SAYSD1: variants seen among roughly 807,000 people sequenced by gnomAD.
SAYSD1 encodes SAYSvFN domain-containing protein 1.
A neutral mutation model predicts 14.5 loss-of-function variants in SAYSD1; 15 were observed. That is an observed-to-expected ratio of 1.03 (90% CI 0.69 to 1.59). SAYSD1 has a LOEUF of 1.59. SAYSD1 is among the 40% of genes most tolerant of loss of function. SAYSD1 has a pLI of 0.00. For missense variants in SAYSD1, 247 were observed against 227.3 expected (o/e 1.09, Z -0.56); for synonymous variants, 105 against 102.6 (o/e 1.02, Z -0.14).
chr6:39,107,931 G>C (rs542952556), intron 1 of SAYSD1, among the ~76,000 whole-genome samples: 9 of 152,104 alleles, frequency 5.9e-5, no homozygotes, highest in Non-Finnish European at 1.0e-4. Context: ...GAAGATTCTG[G>C]AAATGGGAAA....
intron 1 of SAYSD1, among the ~76,000 whole-genome samples, chr6:39,114,609 G>C (rs760875208): frequency 6.6e-6 from 1 of 152,254 alleles, no homozygotes; most frequent in Non-Finnish European, 1.5e-5. Flanking sequence ...ACTCAATTCG[G>C]AGTGAATAAT....
intron 1 of SAYSD1, among the ~76,000 whole-genome samples, chr6:39,106,214 C>A (rs1769499795): frequency 2.0e-5 from 3 of 151,600 alleles, no homozygotes; most frequent in Non-Finnish European, 4.4e-5. Context: ...AAAATAGAGA[C>A]AGGAAACAAA....
In SAYSD1 at chr6:39,115,079, C is replaced by G. The variant is rs534103101; in HGVS notation, c.11G>C (p.Arg4Pro). ...CCGCGCCGCCCGAAACTCAGCTAAC[C>G]GCTGTTCCATGGCGCGCGCCTCGCG... Reference protein sequence around the residue: MEQRLAEFRAARKR... With the variant: MEQPLAEFRAARKR... The change falls in exon 1 of 2, where the codon CGG becomes CCG. Residue 4 changes from arginine (R) to proline (P), a missense_variant. Physicochemically the swap from Arg to Pro is moderately radical, Grantham distance 103 (BLOSUM62 -2). Coordinates refer to ENST00000229903, the MANE Select transcript of SAYSD1 (RefSeq NM_018322.3). 3.1e-6 allele frequency: 5 copies of G among 1,606,448 alleles called. No homozygotes were observed. Among genetic ancestry groups the G allele is most frequent in the African/African-American group, 2.7e-5 (2 of 74,926 alleles).
intron 1 of SAYSD1, among the ~76,000 whole-genome samples, chr6:39,106,825 A>G (rs1283252228): frequency 1.3e-5 from 2 of 152,232 alleles, no homozygotes; most frequent in Admixed American, 1.3e-4. Context: ...AACAGATTGA[A>G]ATGCCAGTAG....
In SAYSD1 at chr6:39,105,243, T is replaced by C. The variant is rs552214944; in HGVS notation, c.*189A>G. 2.6e-4 allele frequency: 153 copies of C among 591,470 alleles called. No individual in the cohort carries two copies. The highest frequency in any genetic ancestry group is 2.5e-3 in the African/African-American group (134 of 53,872). 36.6% of individuals were successfully genotyped at this position (591,470 alleles called of 1,614,324 possible). A position where few individuals can be genotyped will look rare whatever the true frequency, so the allele number is the denominator to read the frequency against. ...CGTCGGACCCACAGTGAATGTATTT[T>C]AGAGAGTTTCACCAAAACTATCAAA... On this transcript the variant is annotated 3_prime_UTR_variant, in exon 2 of 2. Coordinates refer to ENST00000229903, the MANE Select transcript of SAYSD1 (RefSeq NM_018322.3).
At chr6:39,114,860 G>A (rs748018369) in intron 1 of SAYSD1, 23 bp downstream of exon 1, 7 of 1,607,286 alleles carry the variant, frequency 4.4e-6, no homozygotes, top group Non-Finnish European at 5.9e-6. Flanking sequence ...CAGGTCCTAG[G>A]GCCGAAGTTT....
intron 1 of SAYSD1, chr6:39,111,519 A>G (rs1769625953): frequency 6.6e-6 from 1 of 152,288 alleles, no homozygotes; most frequent in African/African-American, 2.4e-5. Flanking sequence ...AACAAAGAGT[A>G]TGCTAGGCCT....
chr6:39,106,143 A>G (rs182654107), intron 1 of SAYSD1, among the ~76,000 whole-genome samples: 1 of 152,326 alleles, frequency 6.6e-6, no homozygotes, highest in Admixed American at 6.5e-5. Context: ...TCAAATACAG[A>G]GTCAATATAC....
At chr6:39,109,860 C>G (rs1769592914) in intron 1 of SAYSD1, among the ~76,000 whole-genome samples, 2 of 152,144 alleles carry the variant, frequency 1.3e-5, no homozygotes, top group African/African-American at 4.8e-5. Flanking sequence ...AGGTCATTTA[C>G]CATGATGTCC....
rs1310769576 is a variant in SAYSD1, at chr6:39,109,246, T to A, written c.208-3470A>T. ...TGGGTTCTGGGGCAGGGTGGTGTGCTGGGGGCTTGCCTGGGATATGGCTGG... is the reference window on the plus strand; with the variant it reads ...TGGGTTCTGGGGCAGGGTGGTGTGCAGGGGGCTTGCCTGGGATATGGCTGG... On this transcript the variant is annotated intron_variant, in intron 1 of 1. Coordinates refer to ENST00000229903, the MANE Select transcript of SAYSD1 (RefSeq NM_018322.3). 1.6e-5 allele frequency: 23 copies of A among 1,428,502 alleles called. 1 individual carries two copies. The highest frequency in any genetic ancestry group is 2.0e-5 in the Non-Finnish European group (21 of 1,035,722). 88.5% of individuals were successfully genotyped at this position (1,428,502 alleles called of 1,614,324 possible).
chr6:39,110,286 AAT>A (rs1165575455), intron 1 of SAYSD1: 1 of 164,676 alleles, frequency 6.1e-6, no homozygotes, highest in Non-Finnish European at 1.4e-5. Flanking sequence ...CCATTGTGCA[AAT>A]ATCCTGGAGT....
intron 1 of SAYSD1, among the ~76,000 whole-genome samples, 154 bp downstream of exon 1, chr6:39,114,729 G>A (rs961990001): frequency 2.6e-5 from 4 of 152,248 alleles, no homozygotes; most frequent in Admixed American, 1.3e-4. Context: ...GTGCTGACAC[G>A]TGTGGCCGGA....
chr6:39,114,088 T>G (rs1210774641), intron 1 of SAYSD1, among the ~76,000 whole-genome samples: 5 of 151,630 alleles, frequency 3.3e-5, no homozygotes, highest in Admixed American at 3.3e-4. Flanking sequence ...ATTGCACTTA[T>G]GAGGAACAAA....
At position 39,105,172 on chromosome 6, in the gene SAYSD1, G is replaced by T. The variant is rs1039886346; in HGVS notation, c.*260C>A. On this transcript the variant is annotated 3_prime_UTR_variant, in exon 2 of 2. Transcript: ENST00000229903. ...ATCATCTCCCAAACAGATGAGAAAT[G>T]AAACAAACAGGTCTCCCTTCTTGAG... The T allele has an allele frequency of 8.8e-6, 4 of 452,556 alleles. No homozygotes were observed. The highest frequency in any genetic ancestry group is 2.0e-5 in the African/African-American group (1 of 49,772). The allele number at this position is 452,556 out of a possible 1,614,324, so 28.0% of individuals were successfully genotyped here.
intron 1 of SAYSD1, chr6:39,109,607 C>A (rs551612966): frequency 6.8e-6 from 9 of 1,324,436 alleles, no homozygotes; most frequent in African/African-American, 4.5e-5. Context: ...ATTACAGTTT[C>A]TTGATCCCTT....
intron 1 of SAYSD1, among the ~76,000 whole-genome samples, chr6:39,106,464 CT>C (rs1247347422): frequency 2.0e-5 from 3 of 152,118 alleles, no homozygotes; most frequent in Non-Finnish European, 4.4e-5. Flanking sequence ...GAGGCGGAGG[CT>C]GCAGTGAGCT....
rs1461496619 is a variant in SAYSD1, at chr6:39,104,947, A to T, written c.*485T>A. ...ACCAGTAATGACTGAAAATTAAAGA[A>T]TTAAAGCAGGAAGCAAAACAAAAAC... On this transcript the variant is annotated 3_prime_UTR_variant, in exon 2 of 2. Transcript: ENST00000229903. 6.5e-6 allele frequency: 1 copy of T among 154,228 alleles called. No individual in the cohort carries two copies. Among genetic ancestry groups the T allele is most frequent in the Non-Finnish European group, 1.4e-5 (1 of 69,568 alleles). 9.6% of individuals were successfully genotyped at this position (154,228 alleles called of 1,614,324 possible).
chr6:39,113,390 T>C (rs1769667840), intron 1 of SAYSD1: 1 of 152,672 alleles, frequency 6.5e-6, no homozygotes, highest in African/African-American at 2.4e-5. Flanking sequence ...ACATGAATTG[T>C]AAATTAGACT....
intron 1 of SAYSD1, chr6:39,109,246 TG>T: frequency 2.1e-6 from 3 of 1,428,612 alleles, no homozygotes; most frequent in African/African-American, 1.4e-5. Flanking sequence ...GGTGGTGTGC[TG>T]GGGGCTTGCC....
Sources: allele counts gnomAD v4.1 joint callset (sites outside exome capture counted in the v4.1 genomes callset), GRCh38; gene constraint gnomAD v4.1.1; transcripts MANE v1.5; gene names NCBI Gene and HGNC (gene_info 2026-07-23, HGNC 2026-07-21).